Variants in TFPT observed in about 807,000 individuals in gnomAD.
TFPT encodes TCF3 fusion partner.
A neutral mutation model predicts 28.8 loss-of-function variants in TFPT; 27 were observed. The observed-to-expected ratio is 0.94, with a 90% CI of 0.69 to 1.29. TFPT has a LOEUF of 1.29. TFPT is among the 50% of genes most tolerant of loss of function. The pLI is 0.00. For missense variants in TFPT, 330 were observed against 338.0 expected, an observed-to-expected ratio of 0.98 and a Z score of 0.19; for synonymous variants, 152 against 142.8, an observed-to-expected ratio of 1.06 and a Z score of -0.46.
Position 54,111,595 on chromosome 19 carries a change from G to A in TFPT, c.283-1474C>T, listed in dbSNP as rs587652552. Among the ~76,000 whole-genome samples the A allele has an allele frequency of 5.3e-5, 8 of 150,578 alleles. No individual in the cohort carries two copies. The East Asian group carries it at 1.2e-3, about 22-fold the overall frequency. On this transcript the variant is annotated intron_variant, in intron 2 of 5. Transcript: ENST00000391759. ...CTCAGGAGGCTGAGGCAGGAGAATC[G>A]CTTGAACCCAGGAGCTGGAGGTTGC...
In TFPT at chr19:54,108,210, G is replaced by T; in HGVS notation, c.458C>A (p.Pro153Gln). 6.3e-7 allele frequency: 1 copy of T among 1,598,410 alleles called. No individual in the cohort carries two copies. Among genetic ancestry groups the T allele is most frequent in the Non-Finnish European group, 8.5e-7 (1 of 1,171,236 alleles). Reference protein sequence around the residue: ...EGSQGTDAPTPGNAENEPPEK... With the variant: ...EGSQGTDAPTQGNAENEPPEK... ...TGGAGGCTCATTCTCCGCATTGCCT[G>T]GGGTGGGGGCATCCGTGCCCTGGCT... The change falls in exon 5 of 6, where the codon CCA (proline) becomes CAA (glutamine). Residue 153 changes from proline (P) to glutamine (Q), a missense_variant. Pro to Gln is a moderately conservative substitution (Grantham distance 76). Transcript: ENST00000391759.
intron 2 of TFPT, among the ~76,000 whole-genome samples, chr19:54,112,501 A>T (rs1253393033): frequency 6.6e-6 from 1 of 151,998 alleles, no homozygotes; most frequent in African/African-American, 2.4e-5. Context: ...TGTCATTAAG[A>T]ATTGAGGCCA....
chr19:54,109,681 G>A (rs587672661), intron 3 of TFPT, among the ~76,000 whole-genome samples: 245 of 152,222 alleles, frequency 1.6e-3, no homozygotes, highest in African/African-American at 5.7e-3. Context: ...ACAGCTCAGA[G>A]AAGGGACACT....
chr19:54,109,508 G>C (rs1165608558), intron 3 of TFPT, among the ~76,000 whole-genome samples: 1 of 152,156 alleles, frequency 6.6e-6, no homozygotes, highest in Non-Finnish European at 1.5e-5. Flanking sequence ...ACTTGCTCCA[G>C]TTTTGCTGGT....
rs773133838 is a variant in TFPT at position 54,108,035 on chromosome 19, G to T, written c.633C>A (p.Ala211=). Residue 211 remains alanine (A), a synonymous_variant, in exon 5 of 6, where the codon GCC becomes GCA. Coordinates refer to ENST00000391759, the MANE Select transcript of TFPT (RefSeq NM_013342.4). ...TTCCCGCCTTCCTCACCTGCACCGG[G>T]GCCAGCTCTGGAGTCAGCGCATTTC... ...RAGNALTPEL[A]PVQIKVEEDF... 11 of 1,519,208 alleles carry T rather than the reference G, an allele frequency of 7.2e-6. No individual in the cohort carries two copies. Among genetic ancestry groups the T allele is most frequent in the Non-Finnish European group, 9.7e-6 (11 of 1,134,574 alleles). The allele number at this position is 1,519,208 out of a possible 1,614,324, so 94.1% of individuals were successfully genotyped here.
Position 54,107,970 on chromosome 19 carries a change from C to T in TFPT, c.642+56G>A, listed in dbSNP as rs587680599. The T allele has an allele frequency of 3.4e-6, 5 of 1,492,432 alleles. No individual in the cohort carries two copies. The East Asian group carries it at 9.2e-5, about 27-fold the overall frequency. 92.4% of individuals were successfully genotyped at this position (1,492,432 alleles called of 1,614,324 possible). A position where few individuals can be genotyped will look rare whatever the true frequency, so the allele number is the denominator to read the frequency against. Reference sequence around the variant, plus strand: ...CCCTTGAGTCCCCCCTCCTTACCTGCACTGGCGCCGGCTCTGGAGCCCCAG... The same window carrying T: ...CCCTTGAGTCCCCCCTCCTTACCTGTACTGGCGCCGGCTCTGGAGCCCCAG... On this transcript the variant is annotated intron_variant, in intron 5 of 5. Transcript: ENST00000391759.
intron 3 of TFPT, chr19:54,108,773 C>T (rs762015334): frequency 1.9e-5 from 13 of 666,896 alleles, no homozygotes; most frequent in South Asian, 1.0e-4. Context: ...GAGTACAGAA[C>T]GCTCCTCCTA....
chr19:54,115,116 T>C, intron 1 of TFPT, 131 bp downstream of exon 1: 1 of 1,399,012 alleles, frequency 7.1e-7, no homozygotes, highest in Admixed American at 1.7e-5. Flanking sequence ...CATAAAAGGG[T>C]TCTAAGGTAA....
intron 3 of TFPT, 152 bp downstream of exon 3, chr19:54,109,899 C>A: frequency 3.3e-6 from 1 of 302,226 alleles, no homozygotes; most frequent in Non-Finnish European, 5.4e-6. Context: ...TCCCACTCTT[C>A]CTCCTTGTTT....
rs2073562915 is a variant in TFPT at position 54,114,610 on chromosome 19, C to T, written c.114G>A (p.Glu38=). 1 of 1,614,006 alleles carries T rather than the reference C, an allele frequency of 6.2e-7. No individual in the cohort carries two copies. The highest frequency in any genetic ancestry group is 1.3e-5 in the African/African-American group (1 of 74,922). Reference sequence around the variant, plus strand: ...ACTCCACTTCCGTCTCCAGCTCGCTCTCCAGGATGTGGCCACCAAATAGGG... The same window carrying T: ...ACTCCACTTCCGTCTCCAGCTCGCTTTCCAGGATGTGGCCACCAAATAGGG... The part of the protein sequence containing the change: ...LPPLFGGHIL[E]SELETEVEFV... The change falls in exon 2 of 6, where the codon GAG becomes GAA. Residue 38 remains glutamate, a synonymous_variant. Transcript: ENST00000391759.
rs914798141 is a variant in TFPT, at chr19:54,110,122, C to G, written c.283-1G>C. The G allele has an allele frequency of 1.9e-6, 3 of 1,614,040 alleles. No individual in the cohort carries two copies. Among genetic ancestry groups the G allele is most frequent in the East Asian group, 2.2e-5 (1 of 44,888 alleles). On this transcript the variant is annotated splice_acceptor_variant, in intron 2 of 5. Coordinates refer to ENST00000391759, the MANE Select transcript of TFPT (RefSeq NM_013342.4). LOFTEE classifies it high-confidence loss of function. ...GCCTGTTCAGGACCCGCTCGTTCAC[C>G]TATGGGGTGGGAAACGCCCATCAGC... is the stretch of plus-strand genomic sequence containing the variant.
chr19:54,114,307 T>C, intron 2 of TFPT, 135 bp downstream of exon 2: 1 of 1,411,260 alleles, frequency 7.1e-7, no homozygotes, highest in Non-Finnish European at 9.5e-7. Flanking sequence ...GCATGCTAAA[T>C]GACTGAATAT....
Position 54,115,260 on chromosome 19 carries a change from C to G in TFPT, c.10G>C (p.Glu4Gln), listed in dbSNP as rs2073591240. 1 of 1,614,134 alleles carries G rather than the reference C, an allele frequency of 6.2e-7. No individual in the cohort carries two copies. MEL[E>Q]QREGTMAAVG... ...TCAGCCACATACCCTTCTCTCTGCT[C>G]CAATTCCATCTCCGCGACCTCCGGA... The change falls in exon 1 of 6, where the codon GAG becomes CAG. Residue 4 changes from glutamate to glutamine, a missense_variant. Coordinates refer to ENST00000391759, the MANE Select transcript of TFPT (RefSeq NM_013342.4).
At chr19:54,113,426 C>A (rs1287720220) in intron 2 of TFPT, among the ~76,000 whole-genome samples, 1 of 152,102 alleles carries the variant, frequency 6.6e-6, no homozygotes, top group Non-Finnish European at 1.5e-5. Context: ...CCTGTCGACA[C>A]CTTGCCTTGG....
intron 3 of TFPT, chr19:54,108,718 C>T: frequency 1.6e-5 from 15 of 947,904 alleles, no homozygotes; most frequent in Non-Finnish European, 2.3e-5. Context: ...ACTTAGTAAA[C>T]ATTCATATGT....
Position 54,115,532 on chromosome 19 carries a change from TTG to T in TFPT, c.-265_-264del. On this transcript the variant is annotated 5_prime_UTR_variant, in exon 1 of 6. Transcript: ENST00000391759. ...CTCTGAGTTGCCAACGTCTTTCTTC[TTG>T]TCTCGACGCCCCGTCGTCCGGCCAC... 2 of 588,024 alleles carry T rather than the reference TTG, an allele frequency of 3.4e-6. No individual in the cohort carries two copies. Among genetic ancestry groups the T allele is most frequent in the Non-Finnish European group, 6.1e-6 (2 of 330,320 alleles). The allele number at this position is 588,024 out of a possible 1,614,324, so 36.4% of individuals were successfully genotyped here.
intron 1 of TFPT, 147 bp from the exon 2 acceptor site, chr19:54,114,847 C>T: frequency 8.4e-7 from 1 of 1,193,640 alleles, no homozygotes. Context: ...CCGTAGAATC[C>T]AGCTCCCAGC....
chr19:54,115,114 G>C, intron 1 of TFPT, 133 bp downstream of exon 1: 1 of 1,369,916 alleles, frequency 7.3e-7, no homozygotes, highest in South Asian at 1.2e-5. Context: ...TCCATAAAAG[G>C]GTTCTAAGGT....
intron 2 of TFPT, 130 bp from the exon 3 acceptor site, chr19:54,110,251 A>C: frequency 7.6e-6 from 7 of 918,308 alleles, no homozygotes; most frequent in Non-Finnish European, 1.2e-5. Context: ...AGGTCCTTCC[A>C]CCTTCCCATC....
Sources: gnomAD v4.1 joint callset for allele counts (sites outside exome capture counted in the v4.1 genomes callset) on GRCh38, gnomAD v4.1.1 for gene constraint, MANE v1.5 for transcripts, NCBI Gene and HGNC (gene_info 2026-07-23, HGNC 2026-07-21) for gene names.